Variants in ZNF717 observed in about 807,000 individuals in gnomAD.
ZNF717 encodes krueppel-like factor X17.
A neutral mutation model predicts 13.8 loss-of-function variants in ZNF717; 9 were observed. That is an observed-to-expected ratio of 0.65 (90% confidence interval 0.39 to 1.14). The LOEUF (loss-of-function observed/expected upper bound fraction) is 1.14, where lower values mean the gene tolerates loss of function less well. ZNF717 is among the 50% of genes most tolerant of loss of function. The pLI, the probability that ZNF717 is intolerant of heterozygous loss-of-function variation, is 0.01. For missense variants in ZNF717, 1,040 were observed against 1,080.7 expected (o/e 0.96, Z 0.53); for synonymous variants, 327 against 364.1 (o/e 0.90, Z 1.16).
chr3:75,754,676 C>A (rs971750334), intron 2 of ZNF717, among the ~76,000 whole-genome samples: 1 of 149,046 alleles, frequency 6.7e-6, no homozygotes, highest in African/African-American at 2.5e-5. Flanking sequence ...AAGAAAAACA[C>A]TGAAATGAAC....
At chr3:75,761,554 A>C (rs1384657967) in intron 2 of ZNF717, among the ~76,000 whole-genome samples, 1 of 152,290 alleles carries the variant, frequency 6.6e-6, no homozygotes, top group Non-Finnish European at 1.5e-5. Flanking sequence ...AAAGAAATAA[A>C]AAGCATGCAA....
downstream of ZNF717, among the ~76,000 whole-genome samples, chr3:75,729,530 A>G (rs879066148): frequency 4.6e-3 from 269 of 58,874 alleles, no homozygotes; most frequent in African/African-American, 0.01. Flanking sequence ...CAGGAGAATC[A>G]TTTGAACCCG....
chr3:75,760,915 AAG>A (rs1237022977), intron 2 of ZNF717, among the ~76,000 whole-genome samples: 1 of 152,094 alleles, frequency 6.6e-6, no homozygotes, highest in Non-Finnish European at 1.5e-5. Flanking sequence ...TTAAGAAAAA[AAG>A]AGAAATCTCA....
chr3:75,756,683 T>G (rs1213417728), intron 2 of ZNF717, among the ~76,000 whole-genome samples: 1 of 58,938 alleles, frequency 1.7e-5, no homozygotes, highest in South Asian at 4.2e-4. Context: ...TTTTTTTTTC[T>G]GTTTTTTTGA....
At chr3:75,761,652 A>G (rs1943027045) in intron 2 of ZNF717, among the ~76,000 whole-genome samples, 1 of 152,400 alleles carries the variant, frequency 6.6e-6, no homozygotes, top group Non-Finnish European at 1.5e-5. Context: ...TACTGGTAGA[A>G]TAATGAAATT....
Position 75,741,919 on chromosome 3 carries a change from A to G in ZNF717, c.58-183T>C, listed in dbSNP as rs1575786329. The G allele has an allele frequency of 7.7e-5, 51 of 664,212 alleles. No homozygotes were observed. The East Asian group carries it at 1.5e-3, about 20-fold the overall frequency. The allele number at this position is 664,212 out of a possible 1,614,324, so 41.1% of individuals were successfully genotyped here. A position where few individuals can be genotyped will look rare whatever the true frequency, so the allele number is the denominator to read the frequency against. ...AAGCATCAGCCCAAAGATTCTTGTC[A>G]AAAGAACAAGAATCTGGGAATTCAC... is the stretch of plus-strand genomic sequence containing the variant. On this transcript the variant is annotated intron_variant, in intron 2 of 4. Coordinates refer to ENST00000652011, the MANE Select transcript of ZNF717 (RefSeq NM_001290208.3).
intron 6 of ZNF717, among the ~76,000 whole-genome samples, chr3:75,702,115 C>T (rs1937708166): frequency 2.6e-5 from 4 of 152,430 alleles, no homozygotes; most frequent in Middle Eastern, 3.4e-3. Flanking sequence ...TCCCACTGCT[C>T]AGTATATGCC....
At chr3:75,706,161 T>A, downstream of ZNF717, among the ~76,000 whole-genome samples, 1 of 152,312 alleles carries the variant, frequency 6.6e-6, no homozygotes, top group Non-Finnish European at 1.5e-5. Context: ...TAAAGCTTTT[T>A]AATTTTTATA....
At chr3:75,702,770 G>A (rs141825312) in intron 6 of ZNF717, among the ~76,000 whole-genome samples, 1 of 152,294 alleles carries the variant, frequency 6.6e-6, no homozygotes, top group Non-Finnish European at 1.5e-5. Context: ...ATAAATTAAA[G>A]ATTGAAATTA....
chr3:75,734,432 G>GTTTTTTTGT (rs1165623247), downstream of ZNF717, among the ~76,000 whole-genome samples: 3 of 52,218 alleles, frequency 5.7e-5, no homozygotes, highest in South Asian at 1.4e-3. Flanking sequence ...GGTTTTTTTT[G>GTTTTTTTGT]TTTTTTTGTT....
intron 2 of ZNF717, among the ~76,000 whole-genome samples, chr3:75,769,807 T>C (rs1415510687): frequency 6.6e-6 from 1 of 152,224 alleles, no homozygotes; most frequent in East Asian, 1.9e-4. Flanking sequence ...TCCTTACTCA[T>C]TTTAAGCGGC....
intron 2 of ZNF717, among the ~76,000 whole-genome samples, chr3:75,772,479 C>T (rs1575955244): frequency 1.3e-5 from 2 of 152,210 alleles, no homozygotes; most frequent in Admixed American, 1.3e-4. Context: ...TTCTTTGGGG[C>T]TCTGCAGTTC....
chr3:75,774,802 G>A (rs1944182011), intron 2 of ZNF717, among the ~76,000 whole-genome samples: 2 of 151,640 alleles, frequency 1.3e-5, no homozygotes, highest in Non-Finnish European at 2.9e-5. Context: ...TGTATTTTTA[G>A]TAGAGACGGG....
At chr3:75,757,089 A>C (rs1286088875) in intron 2 of ZNF717, among the ~76,000 whole-genome samples, 1 of 152,406 alleles carries the variant, frequency 6.6e-6, no homozygotes, top group East Asian at 1.9e-4. Flanking sequence ...TCCATAACAT[A>C]AAAGTGCAAG....
chr3:75,744,557 C>T (rs1236158898), intron 2 of ZNF717, among the ~76,000 whole-genome samples: 11 of 152,198 alleles, frequency 7.2e-5, no homozygotes, highest in Non-Finnish European at 1.6e-4. Flanking sequence ...GGAACCCGTG[C>T]TGGAGTAGAA....
intron 4 of ZNF717, among the ~76,000 whole-genome samples, chr3:75,723,002 A>G (rs1226765557): frequency 2.0e-5 from 3 of 152,092 alleles, no homozygotes; most frequent in Admixed American, 1.3e-4. Context: ...GATTTTTATC[A>G]TATTGGCATG....
intron 2 of ZNF717, among the ~76,000 whole-genome samples, chr3:75,766,867 A>G (rs957995630): frequency 7.9e-5 from 12 of 152,278 alleles, no homozygotes; most frequent in African/African-American, 1.7e-4. Context: ...AAACCAAGTA[A>G]TAAACTTTGA....
At chr3:75,702,166 T>G (rs1937708724) in intron 6 of ZNF717, among the ~76,000 whole-genome samples, 1 of 152,312 alleles carries the variant, frequency 6.6e-6, no homozygotes, top group Admixed American at 6.5e-5. Context: ...ATATTGGCAC[T>G]CTCATGTTTG....
chr3:75,759,680 C>T (rs200694282), intron 2 of ZNF717, among the ~76,000 whole-genome samples: 3,740 of 85,870 alleles, frequency 0.044, no homozygotes, highest in Admixed American at 0.066. Context: ...GCAATTCTCC[C>T]GCCTCAGGCT....
Sources: gnomAD v4.1 joint callset for allele counts (sites outside exome capture counted in the v4.1 genomes callset) on GRCh38, gnomAD v4.1.1 for gene constraint, MANE v1.5 for transcripts, NCBI Gene and HGNC (gene_info 2026-07-23, HGNC 2026-07-21) for gene names.